Variants in MMS22L observed in about 807,000 individuals in gnomAD.
MMS22L encodes the protein protein MMS22-like.
MMS22L carries 74 observed loss-of-function variants against 159.1 expected under a neutral mutation model. That is an observed-to-expected ratio of 0.47 (90% confidence interval 0.39 to 0.56). MMS22L has a LOEUF of 0.56. MMS22L is among the 20% of genes least tolerant of loss of function. MMS22L has a pLI of 0.00. For missense variants in MMS22L, 1,351 were observed against 1,422.1 expected (o/e 0.95, Z 0.80); for synonymous variants, 517 against 506.9 (o/e 1.02, Z -0.27).
chr6:97,282,785 C>A (rs1354262019), intron 1 of MMS22L, among the ~76,000 whole-genome samples: 1 of 152,168 alleles, frequency 6.6e-6, no homozygotes, highest in East Asian at 1.9e-4. Flanking sequence ...CAGCCCAGGA[C>A]AAGGTGAAAA....
intron 14 of MMS22L, among the ~76,000 whole-genome samples, chr6:97,211,088 T>A (rs989642278): frequency 1.3e-5 from 2 of 152,018 alleles, no homozygotes; most frequent in African/African-American, 4.8e-5. Flanking sequence ...CTAGCACAGT[T>A]CTGGGACACA....
chr6:97,212,443 C>T (rs1175520925), intron 14 of MMS22L, among the ~76,000 whole-genome samples: 6 of 152,148 alleles, frequency 3.9e-5, no homozygotes, highest in East Asian at 1.9e-4. Flanking sequence ...CCTAAAAAAT[C>T]TTAATTTAGA....
intron 14 of MMS22L, among the ~76,000 whole-genome samples, chr6:97,191,715 C>T (rs1164146628): frequency 6.6e-6 from 1 of 152,174 alleles, no homozygotes; most frequent in African/African-American, 2.4e-5. Context: ...CACTCTATAA[C>T]CATTTTTAGC....
At position 97,145,067 on chromosome 6, in the gene MMS22L, A is replaced by ACACACACACACAC. The variant is rs34588294; in HGVS notation, c.*1738_*1739insGTGTGTGTGTGTG. On this transcript the variant is annotated 3_prime_UTR_variant, in exon 25 of 25. Coordinates refer to ENST00000683635, the MANE Select transcript of MMS22L (RefSeq NM_001350599.2). ...ACACACACACACACACACACACACA[A>ACACACACACACAC]AAACACATATACACATAAATAACCT... 3.2e-5 allele frequency: 4 copies of ACACACACACACAC among 124,268 alleles called. No individual in the cohort carries two copies. Among genetic ancestry groups the ACACACACACACAC allele is most frequent in the South Asian group, 2.5e-4 (1 of 4,052 alleles). The allele number at this position is 124,268 out of a possible 1,614,324, so 7.7% of individuals were successfully genotyped here. A position where few individuals can be genotyped will look rare whatever the true frequency, so the allele number is the denominator to read the frequency against.
At chr6:97,165,182 CT>C in intron 21 of MMS22L, 63 bp downstream of exon 21, 1 of 1,459,796 alleles carries the variant, frequency 6.9e-7, no homozygotes, top group Non-Finnish European at 9.5e-7. Flanking sequence ...TGAAATGCCA[CT>C]TTATCACTTT....
intron 14 of MMS22L, among the ~76,000 whole-genome samples, chr6:97,202,986 A>G (rs1807343456): frequency 6.6e-6 from 1 of 152,174 alleles, no homozygotes; most frequent in African/African-American, 2.4e-5. Context: ...TTTGTTTGCC[A>G]CATCAAAAAA....
At chr6:97,189,640 C>T (rs536374396) in intron 14 of MMS22L, among the ~76,000 whole-genome samples, 254 of 126,162 alleles carry the variant, frequency 2.0e-3, no homozygotes, top group African/African-American at 7.2e-3. Context: ...CTATAGATTA[C>T]ATCCTCCAAG....
chr6:97,224,727 T>C lies in MMS22L; in HGVS notation c.2039+4167A>G, dbSNP rs190025155. Among the ~76,000 whole-genome samples, 1,102 of 151,832 alleles carry C rather than the reference T, an allele frequency of 7.3e-3. 16 individuals are homozygous for C. The highest frequency in any genetic ancestry group is 0.025 in the African/African-American group (1,030 of 41,460). ...TAAGTTTGCAGATTTCATTCATTCA[T>C]CTCTAATTTTTTTTTTTTTAATGTA... On this transcript the variant is annotated intron_variant, in intron 14 of 24. Transcript: ENST00000683635.
Position 97,151,860 on chromosome 6 carries a change from C to A in MMS22L, c.3393G>T (p.Arg1131Ser). 6.2e-7 allele frequency: 1 copy of A among 1,613,198 alleles called. No homozygotes were observed. Among genetic ancestry groups the A allele is most frequent in the Non-Finnish European group, 8.5e-7 (1 of 1,179,438 alleles). ...LVLVSEPQVK[R>S]LATENLQYMV... ...TGTATTGCAGGTTCTCTGTGGCCAG[C>A]CTTTTAACTAGAAGGAAAAATTACA... Residue 1131 changes from arginine (R) to serine (S), a missense_variant, in exon 23 of 25, where the codon AGG (arginine) becomes AGT (serine). By Grantham distance (110) the Arg-to-Ser change is moderately radical. Transcript: ENST00000683635.
chr6:97,237,480 C>T (rs748721378), intron 11 of MMS22L, among the ~76,000 whole-genome samples: 6 of 152,086 alleles, frequency 3.9e-5, no homozygotes, highest in East Asian at 1.9e-4. Flanking sequence ...CCTTTCTTTA[C>T]GCTTTTATGG....
rs1815551909 is a variant in MMS22L at position 97,269,964 on chromosome 6, T to A, written c.635A>T (p.His212Leu). 6.2e-7 allele frequency: 1 copy of A among 1,612,622 alleles called. No homozygotes were observed. Among genetic ancestry groups the A allele is most frequent in the Admixed American group, 1.7e-5 (1 of 59,954 alleles). The change falls in exon 7 of 25, where the codon CAT becomes CTT. Residue 212 changes from histidine to leucine, a missense_variant. Transcript: ENST00000683635. ...CAGCCAATGTATATCCAAGTGGAGA[T>A]GTAATAAATGCCATGACGGTGGAAA... ...KLFPPSWHLLHLHLDIHWLVL... is the reference protein window; with the variant it reads ...KLFPPSWHLLLLHLDIHWLVL...
rs148111290 is a variant in MMS22L at position 97,152,183 on chromosome 6, C to T, written c.3386-316G>A. ...CCTAATCCTACAAACAGTAACATAC[C>T]GACAAAAGAAAGCCTTTACAAATTC... On this transcript the variant is annotated intron_variant, in intron 22 of 24. Transcript: ENST00000683635. Among the ~76,000 whole-genome samples, 38 of 151,862 alleles carry T rather than the reference C, an allele frequency of 2.5e-4. 1 individual carries two copies. The East Asian group carries it at 6.4e-3, about 25-fold the overall frequency.
Position 97,214,371 on chromosome 6 carries a change from G to T in MMS22L, c.2039+14523C>A, listed in dbSNP as rs150551315. Among the ~76,000 whole-genome samples, 7 of 152,290 alleles carry T rather than the reference G, an allele frequency of 4.6e-5. No homozygotes were observed. In the East Asian group the frequency reaches 7.7e-4, roughly 17 times the overall value. Reference sequence around the variant, plus strand: ...CACAATGAACACCAATAATAATGTAGATGTCATCAATATGGAAAGTTGTTG... The same window carrying T: ...CACAATGAACACCAATAATAATGTATATGTCATCAATATGGAAAGTTGTTG... On this transcript the variant is annotated intron_variant, in intron 14 of 24. Coordinates refer to ENST00000683635, the MANE Select transcript of MMS22L (RefSeq NM_001350599.2).
At chr6:97,174,714 CG>C (rs1302956400) in intron 18 of MMS22L, among the ~76,000 whole-genome samples, 1 of 152,020 alleles carries the variant, frequency 6.6e-6, no homozygotes, top group African/African-American at 2.4e-5. Context: ...GGTTTAGTCA[CG>C]GAAGTGGGTG....
At chr6:97,189,584 A>AG (rs1805652333) in intron 14 of MMS22L, among the ~76,000 whole-genome samples, 7 of 132,210 alleles carry the variant, frequency 5.3e-5, no homozygotes, top group Non-Finnish European at 1.1e-4. Context: ...AAAAAAGAAT[A>AG]ATTAATTAAA....
At chr6:97,183,286 A>G (rs746888389) in intron 15 of MMS22L, among the ~76,000 whole-genome samples, 6 of 152,066 alleles carry the variant, frequency 3.9e-5, no homozygotes, top group Admixed American at 1.3e-4. Flanking sequence ...ACTTGATTGC[A>G]TGGTCCATTA....
chr6:97,270,498 T>C, intron 6 of MMS22L: 2 of 291,694 alleles, frequency 6.9e-6, no homozygotes, highest in South Asian at 3.1e-5. Flanking sequence ...CATGTATTAG[T>C]ATTCAAACTC....
intron 6 of MMS22L, 172 bp downstream of exon 6, chr6:97,272,532 T>C: frequency 3.5e-6 from 2 of 570,520 alleles, no homozygotes; most frequent in South Asian, 4.7e-5. Context: ...GGCTGAGGTG[T>C]CATTTGCCCA....
chr6:97,236,521 A>G (rs1811429651), intron 11 of MMS22L, among the ~76,000 whole-genome samples: 1 of 152,160 alleles, frequency 6.6e-6, no homozygotes, highest in African/African-American at 2.4e-5. Flanking sequence ...TAGGAGAGAA[A>G]GAATGGCTTT....
Sources: allele counts gnomAD v4.1 joint callset (sites outside exome capture counted in the v4.1 genomes callset), GRCh38; gene constraint gnomAD v4.1.1; transcripts MANE v1.5; gene names NCBI Gene and HGNC (gene_info 2026-07-23, HGNC 2026-07-21).